The following IDO2 variants were observed in gnomAD, a reference collection of about 807,000 sequenced individuals.
The protein encoded by IDO2 is indoleamine 2,3-dioxygenase 2, also known as indoleamine 2,3-dioxygenase-like 1 protein.
IDO2 carries 46 observed loss-of-function variants against 45.1 expected under a neutral mutation model. The observed-to-expected ratio is 1.02, with a 90% CI of 0.80 to 1.30. IDO2 has a LOEUF of 1.30. Among genes scored for constraint, IDO2 ranks in the 50% most tolerant of loss-of-function variants. IDO2 has a pLI of 0.00. For missense variants in IDO2, 544 were observed against 491.8 expected, an observed-to-expected ratio of 1.11 and a Z score of -1.00; for synonymous variants, 218 against 184.9, an observed-to-expected ratio of 1.18 and a Z score of -1.45.
At chr8:40,013,655 G>A (rs1343080827) in exon 10 of IDO2, 3 of 1,613,920 alleles carry the variant, frequency 1.9e-6, no homozygotes, top group Non-Finnish European at 1.7e-6. Flanking sequence ...GTGCAGCTCA[G>A]AGCACAGTGC....
intron 8 of IDO2, among the ~76,000 whole-genome samples, chr8:39,993,228 T>C (rs1343093784): frequency 6.6e-6 from 1 of 150,868 alleles, no homozygotes; most frequent in Non-Finnish European, 1.5e-5. Context: ...AGACATGTGT[T>C]TTTTTTTTTC....
rs564757668 is a variant in IDO2 at position 39,971,191 on chromosome 8, T to C, written c.195+7488T>C. On this transcript the variant is annotated intron_variant, in intron 3 of 10. Coordinates refer to ENST00000502986, the Ensembl canonical transcript of IDO2. ...TGCTCATTTACCATTCCTGAAATCT[T>C]AGGGCCCTTACCAGCTATGCTAAAT... Among the ~76,000 whole-genome samples, 83 of 152,278 alleles carry C rather than the reference T, an allele frequency of 5.5e-4. 1 individual carries two copies. The highest frequency in any genetic ancestry group is 1.9e-3 in the African/African-American group (77 of 41,560).
At chr8:40,013,427 A>G (rs1802337412) in intron 9 of IDO2, 138 bp from the exon 10 acceptor site, 3 of 798,106 alleles carry the variant, frequency 3.8e-6, no homozygotes, top group Non-Finnish European at 6.1e-6. Context: ...TTACCCTACA[A>G]AGATACCCCC....
At chr8:40,016,315 A>G (rs1471535485) in exon 11 of IDO2, 2 of 397,160 alleles carry the variant, frequency 5.0e-6, no homozygotes, top group Non-Finnish European at 8.9e-6. Context: ...TGGATCCTAT[A>G]TAAGTAAATA....
chr8:39,938,156 T>A (rs1365354113), intron 1 of IDO2, among the ~76,000 whole-genome samples: 1 of 152,158 alleles, frequency 6.6e-6, no homozygotes, highest in African/African-American at 2.4e-5. Context: ...GTAGCAGAAT[T>A]TTCTAGCCAG....
chr8:39,963,765 T>C (rs1044459821), intron 3 of IDO2, 62 bp downstream of exon 3: 8 of 985,004 alleles, frequency 8.1e-6, no homozygotes, highest in African/African-American at 4.9e-5. Flanking sequence ...TTTTCTTTCT[T>C]AGCCTTGTGG....
At chr8:39,979,864 G>C (rs773933656) in intron 4 of IDO2, among the ~76,000 whole-genome samples, 1 of 152,200 alleles carries the variant, frequency 6.6e-6, no homozygotes, top group Non-Finnish European at 1.5e-5. Context: ...ATGTTGCCCA[G>C]GCTGGAGTGC....
intron 1 of IDO2, among the ~76,000 whole-genome samples, chr8:39,936,942 A>C (rs566306130): frequency 6.6e-6 from 1 of 152,342 alleles, no homozygotes; most frequent in South Asian, 2.1e-4. Context: ...CTGTGGGTCA[A>C]ACTTTACAGT....
At chr8:40,004,574 A>ATAATAGT (rs1563441377) in intron 8 of IDO2, among the ~76,000 whole-genome samples, 1 of 151,216 alleles carries the variant, frequency 6.6e-6, no homozygotes, top group Non-Finnish European at 1.5e-5. Flanking sequence ...TAGACGATAG[A>ATAATAGT]TAGATAGATA....
At chr8:39,963,059 C>T (rs1808023342) in intron 2 of IDO2, among the ~76,000 whole-genome samples, 1 of 152,218 alleles carries the variant, frequency 6.6e-6, no homozygotes, top group Non-Finnish European at 1.5e-5. Flanking sequence ...GGACCCTTCC[C>T]TATCTGCCTA....
intron 6 of IDO2, chr8:39,986,018 C>G (rs1808416741): frequency 6.5e-6 from 1 of 153,830 alleles, no homozygotes; most frequent in Admixed American, 6.5e-5. Flanking sequence ...TTAGTTGAGA[C>G]AGCGTTTCAC....
chr8:39,946,738 C>T (rs1027065598), intron 1 of IDO2, among the ~76,000 whole-genome samples: 2 of 152,198 alleles, frequency 1.3e-5, no homozygotes, highest in Non-Finnish European at 1.5e-5. Context: ...TATTGCAAAT[C>T]CCCTGTCTTG....
At chr8:39,948,726 T>C (rs1807774171) in intron 1 of IDO2, among the ~76,000 whole-genome samples, 1 of 152,212 alleles carries the variant, frequency 6.6e-6, no homozygotes, top group South Asian at 2.1e-4. Flanking sequence ...TGCTAACAAT[T>C]TTGATAGTTT....
At chr8:40,010,166 T>G (rs1802290869) in intron 9 of IDO2, among the ~76,000 whole-genome samples, 1 of 152,160 alleles carries the variant, frequency 6.6e-6, no homozygotes, top group African/African-American at 2.4e-5. Context: ...TCGAATGTAG[T>G]GGCCAAATTT....
chr8:39,941,810 C>A (rs1807647139), intron 1 of IDO2, among the ~76,000 whole-genome samples: 1 of 151,988 alleles, frequency 6.6e-6, no homozygotes, highest in South Asian at 2.1e-4. Context: ...AATGGGTGGA[C>A]ATGGTGGCTC....
At chr8:40,013,763 A>T in intron 10 of IDO2, 50 bp downstream of exon 10, 4 of 1,174,698 alleles carry the variant, frequency 3.4e-6, no homozygotes, top group Non-Finnish European at 3.3e-6. Flanking sequence ...GGAAGAGGAG[A>T]GGTGTTTTTT....
chr8:39,946,139 T>C (rs1009850468), intron 1 of IDO2, among the ~76,000 whole-genome samples: 55 of 152,334 alleles, frequency 3.6e-4, no homozygotes, highest in African/African-American at 1.3e-3. Context: ...TTGCAGACCC[T>C]GTACTTGATG....
intron 1 of IDO2, among the ~76,000 whole-genome samples, chr8:39,937,031 A>G (rs1807563441): frequency 6.6e-6 from 1 of 152,238 alleles, no homozygotes; most frequent in Non-Finnish European, 1.5e-5. Context: ...TGCAATAGAT[A>G]CCCATATTTA....
At chr8:39,947,691 G>A (rs1292134496) in intron 1 of IDO2, among the ~76,000 whole-genome samples, 1 of 151,972 alleles carries the variant, frequency 6.6e-6, no homozygotes, top group Non-Finnish European at 1.5e-5. Context: ...TTTGTTTGGT[G>A]TACTCTAGTG....
Sources: allele counts gnomAD v4.1 joint callset (sites outside exome capture counted in the v4.1 genomes callset), GRCh38; gene constraint gnomAD v4.1.1; transcripts MANE v1.5; gene names NCBI Gene and HGNC (gene_info 2026-07-23, HGNC 2026-07-21).